BCL2L13: variants seen among roughly 807,000 people sequenced by gnomAD.
BCL2L13 encodes bcl-2-like protein 13.
BCL2L13 carries 13 observed loss-of-function variants against 25.8 expected under a neutral mutation model. The observed-to-expected ratio is 0.50, with a 90% CI of 0.33 to 0.80. BCL2L13 has a LOEUF of 0.80. Among genes scored for constraint, BCL2L13 ranks in the 30% least tolerant of loss-of-function variants. The pLI is 0.02. For synonymous variants in BCL2L13, 244 were observed against 230.3 expected (o/e 1.06, Z -0.54); for missense variants, 504 against 574.9 (o/e 0.88, Z 1.26).
intron 6 of BCL2L13, among the ~76,000 whole-genome samples, chr22:17,719,232 C>CA (rs1402347678): frequency 2.0e-5 from 3 of 148,424 alleles, no homozygotes; most frequent in Non-Finnish European, 4.5e-5. Flanking sequence ...TAAAAATGGG[C>CA]AAAAGATTTG....
upstream of BCL2L13, chr22:17,638,671 T>C: frequency 8.1e-7 from 1 of 1,231,668 alleles, no homozygotes; most frequent in Admixed American, 4.2e-5. Flanking sequence ...TGGTCGGTCC[T>C]TCCGCTCCGG....
intron 3 of BCL2L13, among the ~76,000 whole-genome samples, chr22:17,685,000 G>A (rs1430386179): frequency 6.6e-6 from 1 of 152,088 alleles, no homozygotes; most frequent in Non-Finnish European, 1.5e-5. Context: ...CTCCCAAAGT[G>A]CTGGGATTAC....
At chr22:17,638,586 A>G, upstream of BCL2L13, 1 of 936,404 alleles carries the variant, frequency 1.1e-6, no homozygotes, top group Non-Finnish European at 1.4e-6. Context: ...CGAACGTCGC[A>G]ATCAGATTTG....
At chr22:17,642,129 C>CTTTTTT (rs35772364) in intron 1 of BCL2L13, among the ~76,000 whole-genome samples, 1 of 67,654 alleles carries the variant, frequency 1.5e-5, no homozygotes, top group Non-Finnish European at 2.8e-5. Flanking sequence ...TGGCTTCTCT[C>CTTTTTT]TTTTTTTTTT....
intron 6 of BCL2L13, among the ~76,000 whole-genome samples, chr22:17,712,242 CA>C (rs2060784467): frequency 6.6e-6 from 1 of 152,060 alleles, no homozygotes; most frequent in Non-Finnish European, 1.5e-5. Flanking sequence ...CTTCATTTAA[CA>C]AAAAGACTTA....
At chr22:17,690,591 T>G (rs2060077837) in intron 4 of BCL2L13, among the ~76,000 whole-genome samples, 1 of 152,024 alleles carries the variant, frequency 6.6e-6, no homozygotes, top group Admixed American at 6.6e-5. Flanking sequence ...AGACCCTGTC[T>G]CTACAAAAAA....
chr22:17,688,013 T>A (rs2145615509), intron 3 of BCL2L13, among the ~76,000 whole-genome samples: 1 of 151,946 alleles, frequency 6.6e-6, no homozygotes, highest in Admixed American at 6.6e-5. Context: ...AGACGGGGTT[T>A]CCCCATGTTG....
At chr22:17,704,477 TTAAAAC>T (rs905063769) in intron 6 of BCL2L13, among the ~76,000 whole-genome samples, 6 of 152,072 alleles carry the variant, frequency 3.9e-5, no homozygotes, top group African/African-American at 1.4e-4. Flanking sequence ...TTGCTTGTGT[TTAAAAC>T]TAAGATATTA....
At chr22:17,634,498 T>C (rs2058075016), upstream of BCL2L13, among the ~76,000 whole-genome samples, 1 of 152,232 alleles carries the variant, frequency 6.6e-6, no homozygotes, top group African/African-American at 2.4e-5. Flanking sequence ...GCCATCATCT[T>C]AAATTATTTT....
Position 17,657,607 on chromosome 22 carries a change from G to A in BCL2L13, c.121+1775G>A, listed in dbSNP as rs756989540. Among the ~76,000 whole-genome samples, 136 of 152,010 alleles carry A rather than the reference G, an allele frequency of 8.9e-4. 1 individual carries two copies. Among genetic ancestry groups the A allele is most frequent in the Admixed American group, 3.9e-4 (6 of 15,234 alleles). The stretch of plus-strand genomic sequence containing the variant: ...GGCTACTGCAACCTCCGCCTCCTGG[G>A]TTCAAGCGATTCTTCTGTCTCAGCC... On this transcript the variant is annotated intron_variant, in intron 2 of 6. Coordinates refer to ENST00000317582, the MANE Select transcript of BCL2L13 (RefSeq NM_015367.4).
intron 1 of BCL2L13, among the ~76,000 whole-genome samples, chr22:17,640,558 T>C (rs2058239569): frequency 6.6e-6 from 1 of 152,018 alleles, no homozygotes; most frequent in Non-Finnish European, 1.5e-5. Flanking sequence ...ACAGTAATAA[T>C]CATTAACAAC....
At chr22:17,667,039 T>G (rs1320312284) in intron 2 of BCL2L13, among the ~76,000 whole-genome samples, 3 of 152,174 alleles carry the variant, frequency 2.0e-5, no homozygotes, top group Non-Finnish European at 2.9e-5. Context: ...ATTCATCTGT[T>G]CATGGACACT....
intron 2 of BCL2L13, among the ~76,000 whole-genome samples, chr22:17,662,006 A>T (rs1342285080): frequency 1.3e-5 from 2 of 151,810 alleles, no homozygotes; most frequent in African/African-American, 4.8e-5. Context: ...AAAAAAAAAA[A>T]TTGCATAATT....
intron 6 of BCL2L13, among the ~76,000 whole-genome samples, chr22:17,725,510 C>T (rs781258366): frequency 3.9e-5 from 6 of 152,196 alleles, no homozygotes; most frequent in Non-Finnish European, 7.3e-5. Context: ...CTGACCTCTA[C>T]CCAAAGAGGT....
In BCL2L13 at chr22:17,689,076, T is replaced by G. The variant is rs147280257; in HGVS notation, c.320T>G (p.Leu107Arg). 1,337 of 1,614,200 alleles carry G rather than the reference T, an allele frequency of 8.3e-4. 1 individual carries two copies. The highest frequency in any genetic ancestry group is 1.1e-3 in the Non-Finnish European group (1,243 of 1,180,006). ...TCAATGGAAGACTGCTTGGCCCATC[T>G]TGGAGAAAAAGTGTCCCAGGAACTG... Reference protein sequence around the residue: ...ESSMEDCLAHLGEKVSQELKE... With the variant: ...ESSMEDCLAHRGEKVSQELKE... The change falls in exon 4 of 7, where the codon CTT becomes CGT. Residue 107 changes from leucine (L) to arginine (R), a missense_variant. Coordinates refer to ENST00000317582, the MANE Select transcript of BCL2L13 (RefSeq NM_015367.4).
chr22:17,703,576 C>T (rs1396699937), intron 6 of BCL2L13: 2 of 152,072 alleles, frequency 1.3e-5, no homozygotes, highest in Non-Finnish European at 1.5e-5. Context: ...ATAAAGTATA[C>T]TACTCATTAT....
chr22:17,671,565 CA>C (rs35668910), intron 2 of BCL2L13, among the ~76,000 whole-genome samples: 117,508 of 141,246 alleles, frequency 0.83, 48,679 homozygotes, highest in East Asian at 0.93. Context: ...GGCTACATCT[CA>C]AAAAAAAAAA....
At chr22:17,655,274 C>G (rs2058817657) in intron 1 of BCL2L13, among the ~76,000 whole-genome samples, 1 of 151,158 alleles carries the variant, frequency 6.6e-6, no homozygotes, top group Admixed American at 6.6e-5. Flanking sequence ...CCTGGAGGAC[C>G]ACCTGCCCTG....
At chr22:17,724,793 A>G (rs2061248959) in intron 6 of BCL2L13, among the ~76,000 whole-genome samples, 1 of 152,232 alleles carries the variant, frequency 6.6e-6, no homozygotes. Context: ...TAGCCTTTGT[A>G]TGACAATTTC....
Sources: allele counts gnomAD v4.1 joint callset (sites outside exome capture counted in the v4.1 genomes callset), GRCh38; gene constraint gnomAD v4.1.1; transcripts MANE v1.5; gene names NCBI Gene and HGNC (gene_info 2026-07-23, HGNC 2026-07-21).